The following LAMA4 variants were observed in gnomAD, a reference collection of about 807,000 sequenced individuals.
The protein encoded by LAMA4 is laminin subunit alpha 4.
Under a neutral mutation model 207.1 loss-of-function variants are expected in LAMA4, and 127 were observed. That is an observed-to-expected ratio of 0.61 (90% CI 0.53 to 0.71). LAMA4 has a LOEUF of 0.71. Ranked by LOEUF, LAMA4 falls within the 30% of genes least tolerant of loss-of-function variation. The probability of loss-of-function intolerance (pLI) is 0.00; values close to 1 mark genes in which losing one functional copy is unlikely to be tolerated. For synonymous variants in LAMA4, 761 were observed against 816.0 expected (o/e 0.93, Z 1.15); for missense variants, 2,093 against 2,246.5 (o/e 0.93, Z 1.38).
intron 18 of LAMA4, among the ~76,000 whole-genome samples, chr6:112,147,693 TTA>T (rs1554334820): frequency 1.3e-5 from 2 of 152,168 alleles, no homozygotes; most frequent in Non-Finnish European, 2.9e-5. Flanking sequence ...AAAGCTGGAG[TTA>T]TGTTTGGCCA....
chr6:112,117,849 T>C lies in LAMA4; in HGVS notation c.4871A>G (p.Asn1624Ser), dbSNP rs1554324498. The C allele has an allele frequency of 3.1e-6, 5 of 1,613,664 alleles. No individual in the cohort carries two copies. Among genetic ancestry groups the C allele is most frequent in the South Asian group, 2.2e-5 (2 of 91,076 alleles). The change falls in exon 35 of 39, where the codon AAT (asparagine) becomes AGT (serine). Residue 1624 changes from asparagine (N) to serine (S), a missense_variant. This residue lies in a region of LAMA4 where 383 missense variants were observed against 437.8 expected (regional missense o/e 0.87). Coordinates refer to ENST00000230538, the MANE Select transcript of LAMA4 (RefSeq NM_001105206.3). The surrounding 1 kb of genome is among the most constrained non-coding windows in gnomAD (Gnocchi z 4.5). ...FSGCLSNLQLNGASITSASQT... is the reference protein window; with the variant it reads ...FSGCLSNLQLSGASITSASQT... ...AGAAGCAGAGGTGATGGAGGCCCCA[T>C]TGAGCTGGAGATTGCTGAGACAGCC...
Position 112,118,721 on chromosome 6 carries a change from A to ATGTGTG in LAMA4, c.4821+429_4821+434dup, listed in dbSNP as rs4036073. ...TTACAAATTGTGTGTGTGTGTGTGT[A>ATGTGTG]TGTGTGTGTGTGTGTGTGTGTGTGT... On this transcript the variant is annotated intron_variant, in intron 34 of 38. Transcript: ENST00000230538. The surrounding 1 kb of genome is among the most constrained non-coding windows in gnomAD (Gnocchi z 4.6). 4.9e-3 allele frequency among the ~76,000 whole-genome samples: 725 copies of ATGTGTG among 148,432 alleles called. 3 individuals carry two copies. Among genetic ancestry groups the ATGTGTG allele is most frequent in the African/African-American group, 0.016 (651 of 40,556 alleles).
Position 112,236,234 on chromosome 6 carries a change from T to A in LAMA4, c.195+17722A>T, listed in dbSNP as rs911881511. 3 of 152,224 alleles carry A rather than the reference T, an allele frequency of 2.0e-5. No homozygotes were observed. In the South Asian group the frequency reaches 6.2e-4, roughly 32 times the overall value. 9.4% of individuals were successfully genotyped at this position (152,224 alleles called of 1,614,324 possible). On this transcript the variant is annotated intron_variant, in intron 2 of 38. Coordinates refer to ENST00000230538, the MANE Select transcript of LAMA4 (RefSeq NM_001105206.3). ...TCAATGATGTTAGCAGCATGATGATTTCCAGGCTCTTCACATTCTAACAGT... is the reference window on the plus strand; with the variant it reads ...TCAATGATGTTAGCAGCATGATGATATCCAGGCTCTTCACATTCTAACAGT...
At position 112,226,841 on chromosome 6, in the gene LAMA4, G is replaced by A. The variant is rs1224638113; in HGVS notation, c.196-10372C>T. ...TTTTAAATACAATATTGAGGAAAAA[G>A]TCAGTTGCAAAGGAGAAACAGTATG... On this transcript the variant is annotated intron_variant, in intron 2 of 38. Coordinates refer to ENST00000230538, the MANE Select transcript of LAMA4 (RefSeq NM_001105206.3). Among the ~76,000 whole-genome samples the A allele has an allele frequency of 3.3e-5, 5 of 152,078 alleles. No homozygotes were observed. In the East Asian group the frequency reaches 7.7e-4, roughly 23 times the overall value.
intron 8 of LAMA4, among the ~76,000 whole-genome samples, chr6:112,185,832 C>A (rs556960935): frequency 6.6e-6 from 1 of 152,076 alleles, no homozygotes; most frequent in East Asian, 1.9e-4. Flanking sequence ...GGTCTAAATG[C>A]GGCTTTACTG....
chr6:112,236,680 C>T (rs1285454451), intron 2 of LAMA4: 1 of 152,226 alleles, frequency 6.6e-6, no homozygotes, highest in Non-Finnish European at 1.5e-5. Flanking sequence ...AAACAAGCTG[C>T]AGTTTGCCTT....
Position 112,115,927 on chromosome 6 carries a change from C to T in LAMA4, c.5048G>A (p.Gly1683Glu). The T allele has an allele frequency of 6.2e-7, 1 of 1,613,536 alleles. No homozygotes were observed. The highest frequency in any genetic ancestry group is 2.2e-5 in the East Asian group (1 of 44,860). The part of the protein sequence containing the change: ...AFEVRPRSSS[G>E]TLVHGHSVNG... ...GACACTGTGGCCGTGGACCAGGGTT[C>T]CGGAACTGCTTCTGGGACGGACTTC... Residue 1683 changes from glycine to glutamate, a missense_variant, in exon 36 of 39, where the codon GGA (glycine) becomes GAA (glutamate). Gly to Glu is a moderately conservative substitution (Grantham distance 98). Transcript: ENST00000230538.
intron 24 of LAMA4, among the ~76,000 whole-genome samples, chr6:112,137,773 G>A (rs1779441732): frequency 1.3e-5 from 2 of 152,142 alleles, no homozygotes; most frequent in Non-Finnish European, 2.9e-5. Flanking sequence ...TGAAAATGCT[G>A]TTAAGTTTAT....
At chr6:112,246,231 ATAC>A (rs1223370684) in intron 2 of LAMA4, among the ~76,000 whole-genome samples, 2 of 152,232 alleles carry the variant, frequency 1.3e-5, no homozygotes, top group African/African-American at 4.8e-5. Flanking sequence ...TATGGTCACT[ATAC>A]ATCAATAGAC....
intron 5 of LAMA4, among the ~76,000 whole-genome samples, chr6:112,198,167 C>A (rs1554351077): frequency 6.6e-6 from 1 of 152,128 alleles, no homozygotes; most frequent in African/African-American, 2.4e-5. Flanking sequence ...AATACAGGTC[C>A]TGGGCCTCAG....
chr6:112,185,280 G>T lies in LAMA4; in HGVS notation c.1034C>A (p.Thr345Lys), dbSNP rs781832612. The T allele has an allele frequency of 6.2e-7, 1 of 1,613,242 alleles. No homozygotes were observed. The highest frequency in any genetic ancestry group is 1.1e-5 in the South Asian group (1 of 91,064). Residue 345 changes from threonine (T) to lysine (K), a missense_variant, in exon 9 of 39, where the codon ACG (threonine) becomes AAG (lysine). Thr to Lys is a moderately conservative substitution (Grantham distance 78). Transcript: ENST00000230538. Reference sequence around the variant, plus strand: ...TACGTCAGACAGAAGGCTTTTCATCGTGTTCTCAGCATTGTTGATTTGTAT... The same window carrying T: ...TACGTCAGACAGAAGGCTTTTCATCTTGTTCTCAGCATTGTTGATTTGTAT... ...RKIQINNAEN[T>K]MKSLLSDVEE...
chr6:112,128,935 C>T lies in LAMA4; in HGVS notation c.4274G>A (p.Ser1425Asn), dbSNP rs782173105. The T allele has an allele frequency of 8.7e-6, 14 of 1,613,072 alleles. No individual in the cohort carries two copies. In the South Asian group the frequency reaches 1.5e-4, roughly 18 times the overall value. The change falls in exon 31 of 39, where the codon AGT becomes AAT. Residue 1425 changes from serine (S) to asparagine (N), a missense_variant. Around this residue, in one of 3 missense-constraint regions of LAMA4, gnomAD observed 1,704 missense variants for 1,788.4 expected, o/e 0.95. Transcript: ENST00000230538. ...ATTATCTTTTACCTTTTTATTCTGA[C>T]TTGCTTTAGGCTTGGATAAATTTTT... ...KGKNLSKPKA[S>N]QNKKGGKSKD...
chr6:112,134,704 T>C (rs1779231284), intron 25 of LAMA4, 95 bp from the exon 26 acceptor site: 5 of 972,576 alleles, frequency 5.1e-6, no homozygotes, highest in Non-Finnish European at 6.4e-6. Context: ...GTATACTAGC[T>C]GTTCTTCCAT....
chr6:112,142,131 G>A lies in LAMA4; in HGVS notation c.2655C>T (p.Leu885=), dbSNP rs35772073. The A allele has an allele frequency of 1.0e-3, 1,628 of 1,613,948 alleles. 1 individual carries two copies. The highest frequency in any genetic ancestry group is 1.3e-3 in the Non-Finnish European group (1,537 of 1,179,968). Residue 885 remains leucine, a synonymous_variant, in exon 20 of 39, where the codon CTC becomes CTT. Transcript: ENST00000230538. ...CTCATGTGCTTACGTTTTTGCTTCC[G>A]AGGTACAGGATAAACTGATCTGCAG... The part of the protein sequence containing the change: ...TETADQFILY[L]GSKNAKKEYM...
intron 2 of LAMA4, among the ~76,000 whole-genome samples, chr6:112,248,264 G>C (rs1554189027): frequency 6.6e-6 from 1 of 152,126 alleles, no homozygotes; most frequent in East Asian, 1.9e-4. Context: ...ACTTTGGGAG[G>C]CCGAGGCAGG....
intron 5 of LAMA4, among the ~76,000 whole-genome samples, chr6:112,199,567 C>T (rs936642644): frequency 3.9e-5 from 6 of 152,108 alleles, no homozygotes; most frequent in East Asian, 1.9e-4. Flanking sequence ...CCAATGTAAT[C>T]GATCATCTCT....
At chr6:112,208,474 C>T (rs1784191321) in intron 3 of LAMA4, among the ~76,000 whole-genome samples, 1 of 152,182 alleles carries the variant, frequency 6.6e-6, no homozygotes, top group Non-Finnish European at 1.5e-5. Context: ...TGCCATTTTA[C>T]ATCTGAAGAG....
At chr6:112,124,420 T>C (rs1778556071) in intron 31 of LAMA4, among the ~76,000 whole-genome samples, 1 of 152,252 alleles carries the variant, frequency 6.6e-6, no homozygotes, top group Non-Finnish European at 1.5e-5. Context: ...CGGGTGTCTT[T>C]ATATATGGCA....
intron 22 of LAMA4, 50 bp from the exon 23 acceptor site, chr6:112,139,935 C>T (rs1179211621): frequency 6.3e-7 from 1 of 1,575,700 alleles, no homozygotes; most frequent in African/African-American, 1.3e-5. Flanking sequence ...ATATTTTACT[C>T]AGACATCACA....
Sources: gnomAD v4.1 joint callset for allele counts (sites outside exome capture counted in the v4.1 genomes callset) on GRCh38, gnomAD v4.1.1 for gene constraint, gnomAD v4.1.1 regional missense constraint, Gnocchi (gnomAD v3.1) non-coding constraint, MANE v1.5 for transcripts, NCBI Gene and HGNC (gene_info 2026-07-23, HGNC 2026-07-21) for gene names.